The following ALK variants were observed in gnomAD, a reference collection of about 807,000 sequenced individuals.
ALK encodes ALK tyrosine kinase receptor.
ALK carries 74 observed loss-of-function variants against 163.1 expected under a neutral mutation model. The ratio of observed to expected loss-of-function variants is 0.45; its 90% confidence interval spans 0.38 to 0.55. ALK has a LOEUF of 0.55. Among genes scored for constraint, ALK ranks in the 20% least tolerant of loss-of-function variants. ALK has a pLI of 0.00. For synonymous variants in ALK, 960 were observed against 843.2 expected (o/e 1.14, Z -2.40); for missense variants, 2,063 against 2,105.3 (o/e 0.98, Z 0.39).
chr2:29,407,457 T>C (rs1669612952), intron 4 of ALK, among the ~76,000 whole-genome samples: 1 of 152,240 alleles, frequency 6.6e-6, no homozygotes, highest in Non-Finnish European at 1.5e-5. Context: ...GAAACAGAAA[T>C]TCAGGAAAGT....
chr2:29,345,286 C>T lies in ALK; in HGVS notation c.1283-16805G>A, dbSNP rs544857376. ...TGGCACACGTCTGTAGTCCTAGCTA[C>T]CTGGGAGGCTGAGGTGGGAGGATCA... On this transcript the variant is annotated intron_variant, in intron 5 of 28. Transcript: ENST00000389048. 1.8e-4 allele frequency among the ~76,000 whole-genome samples: 28 copies of T among 151,956 alleles called. No individual in the cohort carries two copies. The East Asian group carries it at 4.1e-3, about 22-fold the overall frequency.
At chr2:29,513,451 G>C (rs1181093136) in intron 4 of ALK, among the ~76,000 whole-genome samples, 1 of 147,276 alleles carries the variant, frequency 6.8e-6, no homozygotes, top group Non-Finnish European at 1.5e-5. Flanking sequence ...GCCATATGTA[G>C]AAAGCTGAAA....
Position 29,831,198 on chromosome 2 carries a change from GGGAAGGGGAAGA to G in ALK, c.667+88783_667+88794del, listed in dbSNP as rs1293341603. Among the ~76,000 whole-genome samples the G allele has an allele frequency of 7.9e-5, 4 of 50,748 alleles. 1 individual carries two copies. The highest frequency in any genetic ancestry group is 1.1e-4 in the Non-Finnish European group (3 of 27,286). 33.3% of individuals were successfully genotyped at this position (50,748 alleles called of 152,430 possible). ...GAGGAAGGGGAAGGGGAAGGGGAAG[GGGAAGGGGAAGA>G]GGAAGAGGAAGAGGAAGAAGAAGAG... is the stretch of plus-strand genomic sequence containing the variant. On this transcript the variant is annotated intron_variant, in intron 1 of 28. Coordinates refer to ENST00000389048, the MANE Select transcript of ALK (RefSeq NM_004304.5).
intron 1 of ALK, among the ~76,000 whole-genome samples, chr2:29,797,529 G>A (rs1664350167): frequency 6.6e-6 from 1 of 152,184 alleles, no homozygotes; most frequent in South Asian, 2.1e-4. Flanking sequence ...GCTTGTTCAT[G>A]TGTCTCTCTC....
intron 2 of ALK, among the ~76,000 whole-genome samples, chr2:29,704,571 A>G (rs75271680): frequency 0.015 from 2,338 of 152,350 alleles, 61 homozygotes; most frequent in African/African-American, 0.054. Context: ...TTTCTTGAAT[A>G]AATTGGCAAA....
chr2:29,318,506 A>T, intron 7 of ALK, 102 bp from the exon 8 acceptor site: 1 of 826,870 alleles, frequency 1.2e-6, no homozygotes, highest in Admixed American at 1.9e-5. Flanking sequence ...TAGCCTAGGG[A>T]TATCTTTGAG....
At chr2:29,661,598 T>A (rs1677348797) in intron 3 of ALK, among the ~76,000 whole-genome samples, 1 of 152,192 alleles carries the variant, frequency 6.6e-6, no homozygotes, top group African/African-American at 2.4e-5. Context: ...ATCACATCAT[T>A]CTCATAAAAA....
chr2:29,243,027 A>C (rs887451716), intron 12 of ALK, among the ~76,000 whole-genome samples: 9 of 152,224 alleles, frequency 5.9e-5, no homozygotes. Context: ...AAATTCCACC[A>C]TTAGAGCTTC....
rs762974945 is a variant in ALK at position 29,197,534 on chromosome 2, A to G, written c.4073+8T>C. ...TAACTAGCAGAAGTGTTCCTAAAAG[A>G]GTCATACACAGGCCCAGGGCAGTTC... On this transcript the variant is annotated splice_region_variant and intron_variant, in intron 27 of 28. Transcript: ENST00000389048. 6 of 1,613,226 alleles carry G rather than the reference A, an allele frequency of 3.7e-6. No homozygotes were observed. Among genetic ancestry groups the G allele is most frequent in the Middle Eastern group, 1.8e-4 (1 of 5,418 alleles).
chr2:29,894,564 A>G (rs1667222010), intron 1 of ALK, among the ~76,000 whole-genome samples: 1 of 152,024 alleles, frequency 6.6e-6, no homozygotes, highest in Admixed American at 6.6e-5. Flanking sequence ...ACTATCAATA[A>G]CTTATCTAAG....
At chr2:29,385,108 C>A (rs1428008654) in intron 4 of ALK, among the ~76,000 whole-genome samples, 3 of 127,320 alleles carry the variant, frequency 2.4e-5, no homozygotes, top group Non-Finnish European at 3.4e-5. Context: ...GAAATCATCA[C>A]AATATTTCAC....
intron 4 of ALK, among the ~76,000 whole-genome samples, chr2:29,450,109 A>T (rs2148091175): frequency 6.6e-6 from 1 of 152,252 alleles, no homozygotes; most frequent in Non-Finnish European, 1.5e-5. Context: ...GGCTCCTGTG[A>T]CCGCAGGGAA....
intron 1 of ALK, among the ~76,000 whole-genome samples, chr2:29,813,050 T>A (rs1311959435): frequency 6.6e-6 from 1 of 152,176 alleles, no homozygotes; most frequent in African/African-American, 2.4e-5. Flanking sequence ...AGCATGATGC[T>A]CCATTAAGAG....
intron 9 of ALK, among the ~76,000 whole-genome samples, chr2:29,287,497 A>G (rs1422570632): frequency 6.6e-6 from 1 of 152,188 alleles, no homozygotes; most frequent in Non-Finnish European, 1.5e-5. Flanking sequence ...CAGAAGCCAC[A>G]GTATGATATT....
intron 1 of ALK, among the ~76,000 whole-genome samples, chr2:29,846,546 G>GCA (rs1328875999): frequency 6.6e-6 from 1 of 152,204 alleles, no homozygotes; most frequent in Non-Finnish European, 1.5e-5. Context: ...CTCTCAATGA[G>GCA]TTCTTGCTTA....
intron 1 of ALK, among the ~76,000 whole-genome samples, chr2:29,837,098 G>A (rs1010860470): frequency 5.3e-5 from 8 of 152,164 alleles, no homozygotes; most frequent in Admixed American, 5.2e-4. Context: ...GTCCTCTGTT[G>A]TTTTAAACCA....
chr2:29,843,881 G>C (rs961454859), intron 1 of ALK, among the ~76,000 whole-genome samples: 1 of 152,138 alleles, frequency 6.6e-6, no homozygotes, highest in African/African-American at 2.4e-5. Flanking sequence ...CACATTATTA[G>C]GCACCAAAGA....
chr2:29,324,966 T>A (rs1410046488), intron 6 of ALK, among the ~76,000 whole-genome samples: 1 of 152,182 alleles, frequency 6.6e-6, no homozygotes, highest in Non-Finnish European at 1.5e-5. Context: ...ACTGTTAGAA[T>A]TTTTAAGGGC....
At chr2:29,446,621 C>T (rs575091669) in intron 4 of ALK, among the ~76,000 whole-genome samples, 1 of 152,264 alleles carries the variant, frequency 6.6e-6, no homozygotes, top group East Asian at 1.9e-4. Flanking sequence ...GCCAAGATCT[C>T]CAAGCTGAGC....
Sources: allele counts gnomAD v4.1 joint callset (sites outside exome capture counted in the v4.1 genomes callset), GRCh38; gene constraint gnomAD v4.1.1; transcripts MANE v1.5; gene names NCBI Gene and HGNC (gene_info 2026-07-23, HGNC 2026-07-21).